TPRG1: variants seen among roughly 807,000 people sequenced by gnomAD.
TPRG1 encodes the protein tumor protein p63 regulated 1, also known as tumor protein p63-regulated gene 1 protein.
In TPRG1, 29 loss-of-function variants were observed where a neutral mutation model predicts 29.3. The ratio of observed to expected loss-of-function variants is 0.99; its 90% confidence interval spans 0.74 to 1.35. The LOEUF (loss-of-function observed/expected upper bound fraction) is 1.35. TPRG1 is among the 40% of genes most tolerant of loss of function. The pLI, the probability that TPRG1 is intolerant of heterozygous loss-of-function variation, is 0.00. For synonymous variants in TPRG1, 130 were observed against 116.8 expected (o/e 1.11, Z -0.73); for missense variants, 327 against 335.0 (o/e 0.98, Z 0.19).
At chr3:189,019,680 G>C (rs1344236202) in intron 3 of TPRG1, among the ~76,000 whole-genome samples, 1 of 151,840 alleles carries the variant, frequency 6.6e-6, no homozygotes, top group East Asian at 1.9e-4. Flanking sequence ...CAAGGATATT[G>C]GTCTAAAATT....
chr3:189,174,775 C>G (rs1729264273), intron 1 of TPRG1, among the ~76,000 whole-genome samples: 1 of 152,142 alleles, frequency 6.6e-6, no homozygotes, highest in African/African-American at 2.4e-5. Context: ...CAAGATGACA[C>G]TGCTGCAGCA....
chr3:189,189,288 A>T (rs1029482327), intron 1 of TPRG1, among the ~76,000 whole-genome samples: 2 of 151,638 alleles, frequency 1.3e-5, no homozygotes, highest in South Asian at 2.1e-4. Flanking sequence ...AGCTTGATTT[A>T]AAAAAAATGC....
At chr3:189,253,567 G>A (rs1013701055) in intron 4 of TPRG1, among the ~76,000 whole-genome samples, 4 of 152,190 alleles carry the variant, frequency 2.6e-5, no homozygotes, top group African/African-American at 9.7e-5. Flanking sequence ...ACATACGTGT[G>A]CATGTGTCTT....
At position 189,320,666 on chromosome 3, in the gene TPRG1, A is replaced by G. The variant is rs1465090630; in HGVS notation, c.674A>G (p.Asn225Ser). 9.9e-6 allele frequency: 16 copies of G among 1,611,998 alleles called. 1 individual carries two copies. Among genetic ancestry groups the G allele is most frequent in the Admixed American group, 5.0e-5 (3 of 59,738 alleles). The change falls in exon 6 of 6, where the codon AAT becomes AGT. Residue 225 changes from asparagine (N) to serine (S), a missense_variant. Asn to Ser is a conservative substitution (Grantham distance 46). Coordinates refer to ENST00000345063, the MANE Select transcript of TPRG1 (RefSeq NM_198485.4). ...FMSKLVPAIQ[N>S]AHKNSTGSGR... ...TCTAAGCTTGTTCCAGCTATCCAGA[A>G]TGCCCACAAGAATTCAACTGGATCT... is the stretch of plus-strand genomic sequence containing the variant.
intron 1 of TPRG1, among the ~76,000 whole-genome samples, chr3:189,204,052 A>C (rs1024194520): frequency 4.0e-5 from 6 of 151,710 alleles, no homozygotes; most frequent in Admixed American, 2.0e-4. Context: ...AAAAAAAAAA[A>C]AAAAAAAAAA....
intron 3 of TPRG1, among the ~76,000 whole-genome samples, chr3:189,142,950 C>G (rs1273947322): frequency 1.3e-5 from 2 of 152,174 alleles, no homozygotes; most frequent in African/African-American, 4.8e-5. Flanking sequence ...CAATGATTTT[C>G]TTAATTCTTT....
At chr3:189,234,156 G>A (rs1739090012) in intron 3 of TPRG1, among the ~76,000 whole-genome samples, 1 of 152,164 alleles carries the variant, frequency 6.6e-6, no homozygotes, top group Admixed American at 6.5e-5. Flanking sequence ...TGAGATTACA[G>A]GCCTGAGCCA....
At chr3:189,297,102 T>A (rs1046898964) in intron 4 of TPRG1, among the ~76,000 whole-genome samples, 1 of 152,142 alleles carries the variant, frequency 6.6e-6, no homozygotes, top group Non-Finnish European at 1.5e-5. Context: ...CACCTCAGCC[T>A]CACGAGTAGC....
chr3:189,311,618 C>T (rs931396244), intron 5 of TPRG1, among the ~76,000 whole-genome samples: 2 of 152,126 alleles, frequency 1.3e-5, no homozygotes, highest in African/African-American at 2.4e-5. Flanking sequence ...TCACATTATT[C>T]TCCCATGAAA....
intron 3 of TPRG1, among the ~76,000 whole-genome samples, chr3:189,020,359 G>T (rs1378665086): frequency 1.3e-5 from 2 of 151,686 alleles, no homozygotes; most frequent in Non-Finnish European, 2.9e-5. Flanking sequence ...GCTTTCTCTT[G>T]TGGGCATTTA....
At chr3:189,154,033 A>G (rs1306261584) in intron 5 of TPRG1, among the ~76,000 whole-genome samples, 5 of 152,160 alleles carry the variant, frequency 3.3e-5, no homozygotes, top group Non-Finnish European at 5.9e-5. Context: ...GGGTAGAAAC[A>G]CCCAATTGGC....
intron 1 of TPRG1, among the ~76,000 whole-genome samples, chr3:189,205,493 C>G (rs1734186671): frequency 6.6e-6 from 1 of 152,166 alleles, no homozygotes; most frequent in African/African-American, 2.4e-5. Flanking sequence ...CTATTTTTAC[C>G]TCTTGTGAAT....
intron 4 of TPRG1, among the ~76,000 whole-genome samples, chr3:189,076,276 A>C (rs992321130): frequency 3.9e-5 from 6 of 152,218 alleles, no homozygotes; most frequent in Non-Finnish European, 7.3e-5. Context: ...ACAAATGCAT[A>C]ATGATATGGT....
At chr3:189,234,883 G>A (rs893415045) in intron 3 of TPRG1, among the ~76,000 whole-genome samples, 3 of 152,206 alleles carry the variant, frequency 2.0e-5, no homozygotes, top group Non-Finnish European at 2.9e-5. Context: ...AAGACAAGTA[G>A]CCACAGAGGT....
chr3:189,137,197 GAAAATA>G (rs1723855874), intron 3 of TPRG1, among the ~76,000 whole-genome samples: 1 of 151,730 alleles, frequency 6.6e-6, no homozygotes, highest in Admixed American at 6.6e-5. Flanking sequence ...TTAACTGAAA[GAAAATA>G]ATGTCAATGA....
chr3:189,159,953 G>T (rs1727254012), intron 5 of TPRG1, among the ~76,000 whole-genome samples: 1 of 151,932 alleles, frequency 6.6e-6, no homozygotes, highest in Non-Finnish European at 1.5e-5. Context: ...TGTGTGAGGG[G>T]TTGGCTTTCT....
At chr3:189,224,754 TA>T (rs1737456255) in intron 3 of TPRG1, among the ~76,000 whole-genome samples, 2 of 152,254 alleles carry the variant, frequency 1.3e-5, no homozygotes, top group South Asian at 4.1e-4. Context: ...CGTGTTTTTT[TA>T]AATTTAATTT....
At position 189,202,831 on chromosome 3, in the gene TPRG1, G is replaced by A. The variant is rs146685080; in HGVS notation, c.-9-4545G>A. Among the ~76,000 whole-genome samples the A allele has an allele frequency of 1.3e-3, 195 of 152,238 alleles. 1 individual carries two copies. The highest frequency in any genetic ancestry group is 4.3e-3 in the African/African-American group (180 of 41,556). On this transcript the variant is annotated intron_variant, in intron 1 of 5. Coordinates refer to ENST00000345063, the MANE Select transcript of TPRG1 (RefSeq NM_198485.4). Reference sequence around the variant, plus strand: ...GGATTGGTCCTGCTTCATGGAAGCCGTATCTCTCAGCCCAGAACTCACTGG... The same window carrying A: ...GGATTGGTCCTGCTTCATGGAAGCCATATCTCTCAGCCCAGAACTCACTGG...
intron 3 of TPRG1, among the ~76,000 whole-genome samples, chr3:189,135,220 C>T (rs1723599016): frequency 6.6e-6 from 1 of 152,174 alleles, no homozygotes; most frequent in Non-Finnish European, 1.5e-5. Context: ...CCAAAATGGC[C>T]TCATCCAATC....
Sources: gnomAD v4.1 joint callset for allele counts (sites outside exome capture counted in the v4.1 genomes callset) on GRCh38, gnomAD v4.1.1 for gene constraint, MANE v1.5 for transcripts, NCBI Gene and HGNC (gene_info 2026-07-23, HGNC 2026-07-21) for gene names.